The following GRID2 variants were observed in gnomAD, a reference collection of about 807,000 sequenced individuals.
The protein encoded by GRID2 is glutamate ionotropic receptor delta type subunit 2, also known as glutamate receptor ionotropic, delta-2.
In GRID2, 33 loss-of-function variants were observed where a neutral mutation model predicts 114.8. That is an observed-to-expected ratio of 0.29 (90% CI 0.22 to 0.38). The LOEUF (loss-of-function observed/expected upper bound fraction) is 0.38. GRID2 is among the 10% of genes least tolerant of loss of function. The pLI, the probability that GRID2 is intolerant of heterozygous loss-of-function variation, is 1.00. For missense variants in GRID2, 1,184 were observed against 1,257.7 expected, an observed-to-expected ratio of 0.94 and a Z score of 0.89; for synonymous variants, 505 against 449.9, an observed-to-expected ratio of 1.12 and a Z score of -1.55.
intron 13 of GRID2, among the ~76,000 whole-genome samples, chr4:93,526,630 G>A (rs1402739331): frequency 2.0e-5 from 3 of 152,016 alleles, no homozygotes; most frequent in Non-Finnish European, 4.4e-5. Context: ...ACCAATATGG[G>A]GAAACCCCGT....
At chr4:93,365,359 T>A (rs1483842862) in intron 8 of GRID2, among the ~76,000 whole-genome samples, 2 of 152,168 alleles carry the variant, frequency 1.3e-5, no homozygotes, top group Non-Finnish European at 2.9e-5. Flanking sequence ...AGACCTAGAG[T>A]TAAAGATCAA....
intron 6 of GRID2, among the ~76,000 whole-genome samples, chr4:93,219,353 C>G (rs1224156341): frequency 1.3e-5 from 2 of 152,030 alleles, no homozygotes; most frequent in Non-Finnish European, 2.9e-5. Flanking sequence ...TATCTGTGAA[C>G]AAATATTTTA....
At chr4:92,635,282 A>G (rs1731013316) in intron 2 of GRID2, among the ~76,000 whole-genome samples, 1 of 152,072 alleles carries the variant, frequency 6.6e-6, no homozygotes, top group Admixed American at 6.6e-5. Context: ...AAAGGAAGGC[A>G]GTCTAGTTTG....
At chr4:92,557,805 G>A (rs1037519093) in intron 1 of GRID2, among the ~76,000 whole-genome samples, 4 of 151,984 alleles carry the variant, frequency 2.6e-5, no homozygotes. Context: ...AAAGGCATCA[G>A]GTGAAAGGCT....
chr4:92,543,967 A>G (rs536781582), intron 1 of GRID2, among the ~76,000 whole-genome samples: 52 of 152,300 alleles, frequency 3.4e-4, no homozygotes, highest in African/African-American at 1.2e-3. Flanking sequence ...TGCACACAGT[A>G]ACATCATGTT....
At chr4:92,753,079 T>G (rs539702052) in intron 2 of GRID2, among the ~76,000 whole-genome samples, 2 of 152,294 alleles carry the variant, frequency 1.3e-5, no homozygotes, top group South Asian at 4.1e-4. Context: ...TTCTGATTGT[T>G]ATATAAAACT....
At chr4:93,368,917 G>A (rs1762601336) in intron 8 of GRID2, among the ~76,000 whole-genome samples, 1 of 152,134 alleles carries the variant, frequency 6.6e-6, no homozygotes. Flanking sequence ...AAAAGAGAGA[G>A]AGAAAGTTTT....
chr4:92,611,018 C>CTGTGTG (rs34268472), intron 2 of GRID2, among the ~76,000 whole-genome samples: 426 of 146,694 alleles, frequency 2.9e-3, no homozygotes, highest in Middle Eastern at 6.8e-3. Flanking sequence ...ATTGAATAGT[C>CTGTGTG]TGTGTGTGTG....
intron 1 of GRID2, among the ~76,000 whole-genome samples, chr4:92,583,786 A>G (rs1450857642): frequency 6.6e-6 from 1 of 150,466 alleles, no homozygotes; most frequent in Non-Finnish European, 1.5e-5. Context: ...CAGTTGTAAT[A>G]TATATGTGAG....
chr4:92,726,464 C>T (rs899540037), intron 2 of GRID2, among the ~76,000 whole-genome samples: 6 of 152,000 alleles, frequency 3.9e-5, no homozygotes, highest in Non-Finnish European at 2.9e-5. Flanking sequence ...CACCACTATA[C>T]ATGAAAGTAG....
intron 1 of GRID2, among the ~76,000 whole-genome samples, chr4:92,339,456 A>G (rs1242651863): frequency 6.6e-6 from 1 of 152,174 alleles, no homozygotes; most frequent in Admixed American, 6.5e-5. Flanking sequence ...ATATTTAAGT[A>G]ATGAAAGTGG....
chr4:93,125,952 C>T (rs1734227643), intron 4 of GRID2, among the ~76,000 whole-genome samples: 1 of 152,132 alleles, frequency 6.6e-6, no homozygotes, highest in South Asian at 2.1e-4. Context: ...GGCTGTTTTA[C>T]AGAGTTTTAA....
At chr4:93,433,752 C>T (rs996836676) in intron 10 of GRID2, among the ~76,000 whole-genome samples, 2 of 152,168 alleles carry the variant, frequency 1.3e-5, no homozygotes, top group Non-Finnish European at 2.9e-5. Flanking sequence ...ATTGATTTTC[C>T]AGTGTCCTTT....
Position 92,532,174 on chromosome 4 carries a change from A to T in GRID2, c.89-57957A>T, listed in dbSNP as rs951022563. On this transcript the variant is annotated intron_variant, in intron 1 of 15. Transcript: ENST00000282020. ...ATGTAGTTCAGTTAGAGTTTAAATTATTCTGACTAGTCAGGTGTATGAATG... is the reference window on the plus strand; with the variant it reads ...ATGTAGTTCAGTTAGAGTTTAAATTTTTCTGACTAGTCAGGTGTATGAATG... Among the ~76,000 whole-genome samples, 9 of 152,084 alleles carry T rather than the reference A, an allele frequency of 5.9e-5. 1 individual carries two copies. Among genetic ancestry groups the T allele is most frequent in the African/African-American group, 2.2e-4 (9 of 41,440 alleles).
intron 2 of GRID2, among the ~76,000 whole-genome samples, chr4:92,980,533 A>ATTT (rs1754127065): frequency 6.6e-6 from 1 of 152,090 alleles, no homozygotes; most frequent in Non-Finnish European, 1.5e-5. Context: ...CATTTCCTAG[A>ATTT]ATATGCATCC....
intron 4 of GRID2, among the ~76,000 whole-genome samples, chr4:93,200,732 G>C (rs1742014652): frequency 6.6e-6 from 1 of 152,102 alleles, no homozygotes; most frequent in South Asian, 2.1e-4. Context: ...AATTCCTTCT[G>C]GTATTTCAGT....
chr4:93,225,007 G>GAT, intron 7 of GRID2, among the ~76,000 whole-genome samples: 1 of 151,934 alleles, frequency 6.6e-6, no homozygotes, highest in Non-Finnish European at 1.5e-5. Flanking sequence ...TTGTGGTTGA[G>GAT]ATATACCCAC....
intron 2 of GRID2, among the ~76,000 whole-genome samples, chr4:92,844,059 ATCTAT>A (rs1743112344): frequency 6.6e-6 from 1 of 152,162 alleles, no homozygotes; most frequent in South Asian, 2.1e-4. Context: ...TTTATTGATA[ATCTAT>A]TAAGTTGACT....
At chr4:93,593,071 G>T (rs374547053) in intron 13 of GRID2, among the ~76,000 whole-genome samples, 89 of 151,826 alleles carry the variant, frequency 5.9e-4, no homozygotes, top group African/African-American at 7.2e-4. Context: ...AAAGTTAATA[G>T]TGTTATGTGT....
Sources: allele counts gnomAD v4.1 joint callset (sites outside exome capture counted in the v4.1 genomes callset), GRCh38; gene constraint gnomAD v4.1.1; transcripts MANE v1.5; gene names NCBI Gene and HGNC (gene_info 2026-07-23, HGNC 2026-07-21).